Variants in MIPOL1 observed in about 807,000 individuals in gnomAD.
MIPOL1 encodes the protein mirror-image polydactyly gene 1 protein.
MIPOL1 carries 57 observed loss-of-function variants against 60.9 expected under a neutral mutation model. That is an observed-to-expected ratio of 0.94 (90% CI 0.76 to 1.17). MIPOL1 has a LOEUF of 1.17. Among genes scored for constraint, MIPOL1 ranks in the 50% most tolerant of loss-of-function variants. MIPOL1 has a pLI of 0.00. For missense variants in MIPOL1, 551 were observed against 511.6 expected, an observed-to-expected ratio of 1.08 and a Z score of -0.74; for synonymous variants, 179 against 168.8, an observed-to-expected ratio of 1.06 and a Z score of -0.47.
At chr14:37,420,031 A>T (rs1230984780) in intron 10 of MIPOL1, among the ~76,000 whole-genome samples, 1 of 151,938 alleles carries the variant, frequency 6.6e-6, no homozygotes, top group African/African-American at 2.4e-5. Flanking sequence ...ATGAGCTACC[A>T]TATAGGCATG....
At chr14:37,434,373 T>G (rs1458393035) in intron 11 of MIPOL1, 1 of 152,196 alleles carries the variant, frequency 6.6e-6, no homozygotes, top group Non-Finnish European at 1.5e-5. Flanking sequence ...CATTTTTTGA[T>G]GAGGTTGTTT....
At chr14:37,491,935 CA>C (rs1271947260) in intron 11 of MIPOL1, among the ~76,000 whole-genome samples, 8 of 152,262 alleles carry the variant, frequency 5.3e-5, no homozygotes, top group African/African-American at 1.7e-4. Context: ...GTATGTCATT[CA>C]GAATTAAGGC....
intron 12 of MIPOL1, chr14:37,502,049 G>C (rs559542821): frequency 6.6e-6 from 1 of 152,516 alleles, no homozygotes; most frequent in East Asian, 1.9e-4. Context: ...AGGGGGAGGG[G>C]CGTCTGCCAT....
intron 1 of MIPOL1, among the ~76,000 whole-genome samples, chr14:37,244,024 A>G (rs566492936): frequency 2.7e-5 from 4 of 147,514 alleles, no homozygotes; most frequent in East Asian, 4.2e-4. Flanking sequence ...TGAGATTCCT[A>G]TGTACCTAGA....
In MIPOL1 at chr14:37,502,284, A is replaced by G. The variant is rs1174593061; in HGVS notation, c.1262+2146A>G. 5 of 152,296 alleles carry G rather than the reference A, an allele frequency of 3.3e-5. No individual in the cohort carries two copies. The East Asian group carries it at 9.7e-4, about 29-fold the overall frequency. 9.4% of individuals were successfully genotyped at this position (152,296 alleles called of 1,614,324 possible). A position where few individuals can be genotyped will look rare whatever the true frequency, so the allele number is the denominator to read the frequency against. On this transcript the variant is annotated intron_variant, in intron 12 of 12. Transcript: ENST00000684589. ...GCATTTGAGCTCTGAGAAGGGACAGACTGCCTCCTCAAGTGGGTCCCTGAC... is the reference window on the plus strand; with the variant it reads ...GCATTTGAGCTCTGAGAAGGGACAGGCTGCCTCCTCAAGTGGGTCCCTGAC...
intron 11 of MIPOL1, among the ~76,000 whole-genome samples, chr14:37,453,628 C>T (rs1311605467): frequency 6.6e-6 from 1 of 151,834 alleles, no homozygotes; most frequent in African/African-American, 2.4e-5. Flanking sequence ...CATTGAATAC[C>T]ATGTTTATAA....
chr14:37,202,018 T>C (rs1415104032), intron 1 of MIPOL1, among the ~76,000 whole-genome samples: 5 of 152,136 alleles, frequency 3.3e-5, no homozygotes, highest in Admixed American at 6.5e-5. Context: ...CTGTTTTTGT[T>C]GAGACAGAGT....
chr14:37,269,708 T>C (rs1426184080), intron 5 of MIPOL1, among the ~76,000 whole-genome samples: 1 of 152,208 alleles, frequency 6.6e-6, no homozygotes, highest in African/African-American at 2.4e-5. Flanking sequence ...TTTCAGAATA[T>C]TGGATTTACT....
At chr14:37,467,499 G>A (rs1167869543) in intron 11 of MIPOL1, among the ~76,000 whole-genome samples, 1 of 152,036 alleles carries the variant, frequency 6.6e-6, no homozygotes, top group African/African-American at 2.4e-5. Flanking sequence ...CTAACATTGT[G>A]GCAATTATAA....
chr14:37,353,638 A>G (rs1306702310), intron 9 of MIPOL1, among the ~76,000 whole-genome samples: 6 of 150,368 alleles, frequency 4.0e-5, no homozygotes, highest in Non-Finnish European at 5.9e-5. Context: ...GTCTTGGGAG[A>G]GTGTATGTGT....
chr14:37,533,092 G>A (rs1028131984), intron 12 of MIPOL1, among the ~76,000 whole-genome samples: 17 of 152,000 alleles, frequency 1.1e-4, no homozygotes, highest in African/African-American at 4.1e-4. Flanking sequence ...TCTATGATGA[G>A]TATGCATCAT....
intron 10 of MIPOL1, among the ~76,000 whole-genome samples, chr14:37,377,803 A>G (rs1357152238): frequency 7.2e-6 from 1 of 138,940 alleles, no homozygotes; most frequent in African/African-American, 2.7e-5. Flanking sequence ...GCTGGAGTGC[A>G]GTGGTATGAT....
intron 11 of MIPOL1, among the ~76,000 whole-genome samples, chr14:37,427,288 A>C (rs1404281920): frequency 6.6e-6 from 1 of 152,326 alleles, no homozygotes; most frequent in East Asian, 1.9e-4. Flanking sequence ...ACCTAAAGAC[A>C]TTATGCTAAG....
downstream of MIPOL1, chr14:37,551,504 A>G (rs2095561538): frequency 6.6e-6 from 1 of 152,246 alleles, no homozygotes; most frequent in African/African-American, 2.4e-5. Context: ...TTATAGTAAT[A>G]AAATATTGAA....
At chr14:37,254,843 A>T (rs1974673152) in intron 3 of MIPOL1, among the ~76,000 whole-genome samples, 1 of 151,734 alleles carries the variant, frequency 6.6e-6, no homozygotes, top group Admixed American at 6.6e-5. Flanking sequence ...TTTTAATAGG[A>T]CCTTTTCTCC....
rs113791544 is a variant in MIPOL1 at position 37,225,333 on chromosome 14, G to T, written c.-198-21770G>T. On this transcript the variant is annotated intron_variant, in intron 1 of 12. Coordinates refer to ENST00000684589, the MANE Select transcript of MIPOL1 (RefSeq NM_001388067.1). ...TCCCTTCTGCACTGCCCTAGCAGAG[G>T]TTCTCCATGAGGGCCCCACCCTGCC... is the stretch of plus-strand genomic sequence containing the variant. Among the ~76,000 whole-genome samples the T allele has an allele frequency of 5.6e-3, 855 of 152,288 alleles. 5 individuals are homozygous for T. Among genetic ancestry groups the T allele is most frequent in the African/African-American group, 0.019 (809 of 41,566 alleles).
intron 9 of MIPOL1, among the ~76,000 whole-genome samples, chr14:37,316,252 A>C (rs529591240): frequency 6.6e-6 from 1 of 152,064 alleles, no homozygotes; most frequent in South Asian, 2.1e-4. Flanking sequence ...GCTAGTCTTG[A>C]ACTCCTGACC....
intron 1 of MIPOL1, among the ~76,000 whole-genome samples, chr14:37,217,054 A>G (rs1948953220): frequency 6.6e-6 from 1 of 152,206 alleles, no homozygotes; most frequent in Admixed American, 6.5e-5. Flanking sequence ...GAGGATCCAA[A>G]TCAGAAATGA....
At chr14:37,540,937 T>G (rs1183224848) in intron 12 of MIPOL1, among the ~76,000 whole-genome samples, 1 of 152,208 alleles carries the variant, frequency 6.6e-6, no homozygotes, top group Non-Finnish European at 1.5e-5. Context: ...TCTTGTTCAG[T>G]AATTGCTTCT....
Sources: gnomAD v4.1 joint callset for allele counts (sites outside exome capture counted in the v4.1 genomes callset) on GRCh38, gnomAD v4.1.1 for gene constraint, MANE v1.5 for transcripts, NCBI Gene and HGNC (gene_info 2026-07-23, HGNC 2026-07-21) for gene names.